SH3KBP1: variants seen among roughly 807,000 people sequenced by gnomAD.
The protein encoded by SH3KBP1 is SH3 domain containing kinase binding protein 1.
A neutral mutation model predicts 50.1 loss-of-function variants in SH3KBP1; 8 were observed. The ratio of observed to expected loss-of-function variants is 0.16; its 90% CI spans 0.09 to 0.29. The LOEUF is 0.29. Ranked by LOEUF, SH3KBP1 falls within the 10% of genes least tolerant of loss-of-function variation. The pLI, the probability that SH3KBP1 is intolerant of heterozygous loss-of-function variation, is 1.00. For synonymous variants in SH3KBP1, 227 were observed against 218.6 expected, an observed-to-expected ratio of 1.04 and a Z score of -0.34; for missense variants, 377 against 535.2, an observed-to-expected ratio of 0.70 and a Z score of 2.92.
chrX:19,541,898 G>A (rs780262766), intron 16 of SH3KBP1, 27 bp downstream of exon 16: 136 of 1,182,386 alleles, frequency 1.2e-4, no homozygotes, highest in Non-Finnish European at 1.5e-4. Flanking sequence ...CCTGGGTGAC[G>A]GCCCCCAAGA....
intron 8 of SH3KBP1, among the ~76,000 whole-genome samples, chrX:19,611,956 G>GA (rs3036638): frequency 0.11 from 4,029 of 38,005 alleles, 262 homozygotes; most frequent in African/African-American, 0.2. Flanking sequence ...AGCAGAAGTA[G>GA]AAAAAAAAAA....
chrX:19,883,027 AAC>A (rs1357186130), intron 1 of SH3KBP1, among the ~76,000 whole-genome samples: 1 of 112,368 alleles, frequency 8.9e-6, no homozygotes, highest in Non-Finnish European at 1.9e-5. Context: ...TAGTCTTATG[AAC>A]AGAGTGCCTT....
At chrX:19,878,472 T>TTGTGTGTGTGTGTGTGTGTG (rs56786885) in intron 1 of SH3KBP1, among the ~76,000 whole-genome samples, 41 of 73,026 alleles carry the variant, frequency 5.6e-4, no homozygotes, top group African/African-American at 2.5e-3. Flanking sequence ...CCTGGCTAAT[T>TTGTGTGTGTGTGTGTGTGTG]TGTGTGTGTG....
At chrX:19,583,125 C>CATTATTATT (rs200762944) in intron 12 of SH3KBP1, among the ~76,000 whole-genome samples, 2,352 of 95,099 alleles carry the variant, frequency 0.025, 37 homozygotes, top group Middle Eastern at 0.049. Context: ...TGCTAATACA[C>CATTATTATT]ATTATTATTA....
chrX:19,669,325 A>AATT (rs1556163052), intron 6 of SH3KBP1, among the ~76,000 whole-genome samples: 1,255 of 102,538 alleles, frequency 0.012, 25 homozygotes, highest in African/African-American at 0.041. Context: ...TAATAATAAT[A>AATT]ATTATTATTA....
chrX:19,572,345 T>C (rs989183242), intron 12 of SH3KBP1, among the ~76,000 whole-genome samples: 2 of 106,250 alleles, frequency 1.9e-5, no homozygotes, highest in African/African-American at 3.4e-5. Context: ...TTATATATAG[T>C]ACATATATAT....
rs192322919 is a variant in SH3KBP1, at chrX:19,857,229, G to T, written c.5-20947C>A. ...AAGACTGCATTATCCGCAAGTCTGG[G>T]GAGTAACTGGAGGTTTGGGAGCAGA... is the stretch of plus-strand genomic sequence containing the variant. On this transcript the variant is annotated intron_variant, in intron 1 of 17. Transcript: ENST00000397821. Among the ~76,000 whole-genome samples, 3 of 109,685 alleles carry T rather than the reference G, an allele frequency of 2.7e-5. No homozygotes were observed. In the East Asian group the frequency reaches 8.6e-4, roughly 31 times the overall value.
intron 7 of SH3KBP1, among the ~76,000 whole-genome samples, chrX:19,643,604 C>T (rs1178816488): frequency 9.0e-6 from 1 of 110,576 alleles, no homozygotes; most frequent in Non-Finnish European, 1.9e-5. Flanking sequence ...TCCCTCAAGC[C>T]TTTGATGACA....
At chrX:19,603,941 G>T (rs768385395) in intron 9 of SH3KBP1, among the ~76,000 whole-genome samples, 1 of 111,664 alleles carries the variant, frequency 9.0e-6, no homozygotes, top group South Asian at 3.8e-4. Context: ...TCCCACCTTG[G>T]CCTCCTAAAG....
chrX:19,783,661 C>T (rs1463430315), intron 2 of SH3KBP1, among the ~76,000 whole-genome samples: 2 of 111,161 alleles, frequency 1.8e-5, no homozygotes, highest in Admixed American at 9.7e-5. Context: ...AGAGTTTGAA[C>T]GGATCTCTGA....
At chrX:19,788,418 A>T (rs752288361) in intron 2 of SH3KBP1, among the ~76,000 whole-genome samples, 59 of 110,741 alleles carry the variant, frequency 5.3e-4, no homozygotes, top group African/African-American at 1.9e-3. Context: ...AACCACCAGA[A>T]GCAAGGGGAG....
intron 12 of SH3KBP1, among the ~76,000 whole-genome samples, chrX:19,580,090 C>T (rs2066322390): frequency 9.0e-6 from 1 of 111,034 alleles, no homozygotes; most frequent in South Asian, 3.8e-4. Context: ...GCACCTTGCA[C>T]GAAGTCACAG....
At chrX:19,550,130 ACT>A in intron 13 of SH3KBP1, 47 bp from the exon 14 acceptor site, 2 of 828,560 alleles carry the variant, frequency 2.4e-6, no homozygotes, top group Non-Finnish European at 3.6e-6. Flanking sequence ...AGGAGCAAAG[ACT>A]CTTATGATAT....
At chrX:19,840,567 C>T (rs1387910015) in intron 1 of SH3KBP1, among the ~76,000 whole-genome samples, 3 of 112,087 alleles carry the variant, frequency 2.7e-5, no homozygotes, top group Non-Finnish European at 3.8e-5. Flanking sequence ...TGGTGAAGAT[C>T]TTGGATGATA....
intron 12 of SH3KBP1, among the ~76,000 whole-genome samples, chrX:19,587,558 G>A (rs771450943): frequency 1.8e-5 from 2 of 112,186 alleles, no homozygotes; most frequent in South Asian, 3.7e-4. Flanking sequence ...TTACTGCAGC[G>A]TGCCCAATTC....
chrX:19,776,699 C>T (rs1282888540), intron 2 of SH3KBP1, among the ~76,000 whole-genome samples: 1 of 107,972 alleles, frequency 9.3e-6, no homozygotes, highest in Non-Finnish European at 1.9e-5. Context: ...AAGCGCACAC[C>T]ACCATGTCCA....
intron 1 of SH3KBP1, among the ~76,000 whole-genome samples, chrX:19,876,130 A>G (rs764027524): frequency 2.0e-4 from 22 of 112,215 alleles, no homozygotes; most frequent in Non-Finnish European, 3.4e-4. Flanking sequence ...AGGCTGAGGT[A>G]GACAGATCAC....
chrX:19,842,253 C>T (rs752989098), intron 1 of SH3KBP1, among the ~76,000 whole-genome samples: 17 of 112,548 alleles, frequency 1.5e-4, no homozygotes, highest in African/African-American at 4.8e-4. Context: ...ATTGGCCGGG[C>T]GCAGTGGCTC....
intron 8 of SH3KBP1, among the ~76,000 whole-genome samples, chrX:19,624,702 A>AAT (rs2148233094): frequency 8.9e-6 from 1 of 112,220 alleles, no homozygotes; most frequent in African/African-American, 3.2e-5. Context: ...AACAGCAACA[A>AAT]ATTATACTCC....
Sources: allele counts gnomAD v4.1 joint callset (sites outside exome capture counted in the v4.1 genomes callset), GRCh38; gene constraint gnomAD v4.1.1; transcripts MANE v1.5; gene names NCBI Gene and HGNC (gene_info 2026-07-23, HGNC 2026-07-21).